The following NHSL1 variants were observed in gnomAD, a reference collection of about 807,000 sequenced individuals.
The protein encoded by NHSL1 is NHS-like protein 1.
In NHSL1, 48 loss-of-function variants were observed where a neutral mutation model predicts 95.0. The ratio of observed to expected loss-of-function variants is 0.51; its 90% CI spans 0.40 to 0.64. The LOEUF (loss-of-function observed/expected upper bound fraction) is 0.64, where lower values mean the gene tolerates loss of function less well. Among genes scored for constraint, NHSL1 ranks in the 30% least tolerant of loss-of-function variants. The pLI is 0.00. For missense variants in NHSL1, 1,971 were observed against 2,077.7 expected, an observed-to-expected ratio of 0.95 and a Z score of 1.00; for synonymous variants, 783 against 833.9, an observed-to-expected ratio of 0.94 and a Z score of 1.05.
At chr6:138,480,149 A>G (rs1430681392) in intron 2 of NHSL1, among the ~76,000 whole-genome samples, 1 of 152,210 alleles carries the variant, frequency 6.6e-6, no homozygotes, top group African/African-American at 2.4e-5. Context: ...ATTCCTCTGT[A>G]TCAGAAGGGG....
At chr6:138,658,404 A>G (rs955408021) in intron 1 of NHSL1, among the ~76,000 whole-genome samples, 2 of 152,206 alleles carry the variant, frequency 1.3e-5, no homozygotes, top group Non-Finnish European at 2.9e-5. Context: ...TAGAAGTTCA[A>G]CTTTTTAAAA....
At chr6:138,645,812 G>A (rs1437268570) in intron 1 of NHSL1, among the ~76,000 whole-genome samples, 1 of 151,974 alleles carries the variant, frequency 6.6e-6, no homozygotes, top group South Asian at 2.1e-4. Flanking sequence ...GGCCTGTAGT[G>A]TTTTTTCTCT....
At chr6:138,463,396 A>G (rs987227560) in intron 3 of NHSL1, among the ~76,000 whole-genome samples, 1 of 150,886 alleles carries the variant, frequency 6.6e-6, no homozygotes, top group Non-Finnish European at 1.5e-5. Context: ...CTCCAAAGTC[A>G]TTATCGCCAC....
At chr6:138,488,275 C>T (rs937854877) in intron 2 of NHSL1, among the ~76,000 whole-genome samples, 3 of 146,496 alleles carry the variant, frequency 2.0e-5, no homozygotes, top group Admixed American at 6.7e-5. Context: ...AAGACTCTGT[C>T]TCAAAAAAAA....
chr6:138,433,406 A>T lies in NHSL1; in HGVS notation c.939T>A (p.Pro313=). ...VLSDSAGIVF[P]SRLDSDAGFH... ...AGCCAGCATCACTGTCAAGGCGGGA[A>T]GGGAATACGATCCCTGCAGAATCGC... The change falls in exon 6 of 8, where the codon CCT becomes CCA. Residue 313 remains proline, a synonymous_variant. Coordinates refer to ENST00000343505, the MANE Select transcript of NHSL1 (RefSeq NM_001144060.2). 1.3e-6 allele frequency: 2 copies of T among 1,552,348 alleles called. No individual in the cohort carries two copies. The highest frequency in any genetic ancestry group is 1.7e-6 in the Non-Finnish European group (2 of 1,147,136).
chr6:138,425,320 C>T (rs532964446), intron 7 of NHSL1, among the ~76,000 whole-genome samples: 1 of 152,264 alleles, frequency 6.6e-6, no homozygotes, highest in East Asian at 1.9e-4. Flanking sequence ...TGGTCTCAAA[C>T]TCCTGACCTC....
At chr6:138,690,687 G>C (rs914185024) in intron 1 of NHSL1, among the ~76,000 whole-genome samples, 3 of 152,190 alleles carry the variant, frequency 2.0e-5, no homozygotes, top group African/African-American at 7.2e-5. Flanking sequence ...GGTGCAGTGA[G>C]CTGAGATTGC....
At chr6:138,529,160 T>G (rs1782032882) in intron 1 of NHSL1, among the ~76,000 whole-genome samples, 1 of 152,146 alleles carries the variant, frequency 6.6e-6, no homozygotes, top group African/African-American at 2.4e-5. Flanking sequence ...ACTCCGGAGC[T>G]TGCACTGGGT....
In NHSL1 at chr6:138,422,592, G is replaced by A. The variant is rs1163418289; in HGVS notation, c.*1489C>T. 1 of 152,134 alleles carries A rather than the reference G, an allele frequency of 6.6e-6. No individual in the cohort carries two copies. The highest frequency in any genetic ancestry group is 1.5e-5 in the Non-Finnish European group (1 of 68,020). The allele number at this position is 152,134 out of a possible 1,614,324, so 9.4% of individuals were successfully genotyped here. A position where few individuals can be genotyped will look rare whatever the true frequency, so the allele number is the denominator to read the frequency against. ...TTCTAATGAAGAAGACAATACTCTAGTTTATTTAACAAATAAAGGAGTCTA... is the reference window on the plus strand; with the variant it reads ...TTCTAATGAAGAAGACAATACTCTAATTTATTTAACAAATAAAGGAGTCTA... On this transcript the variant is annotated 3_prime_UTR_variant, in exon 8 of 8. Transcript: ENST00000343505.
At chr6:138,448,515 A>C (rs1048277308) in intron 3 of NHSL1, among the ~76,000 whole-genome samples, 15 of 152,132 alleles carry the variant, frequency 9.9e-5, no homozygotes, top group Admixed American at 2.6e-4. Context: ...CCGCTACCCC[A>C]ACCACATACC....
upstream of NHSL1, among the ~76,000 whole-genome samples, chr6:138,550,486 A>G (rs1456819671): frequency 1.3e-5 from 2 of 152,216 alleles, no homozygotes; most frequent in Non-Finnish European, 2.9e-5. Context: ...TGGACAGCAC[A>G]AAGGTCTGGC....
upstream of NHSL1, among the ~76,000 whole-genome samples, chr6:138,574,425 C>A (rs948491589): frequency 6.6e-6 from 1 of 152,074 alleles, no homozygotes; most frequent in Non-Finnish European, 1.5e-5. Flanking sequence ...CACTGGTTCA[C>A]GAGACCCCCG....
intron 1 of NHSL1, among the ~76,000 whole-genome samples, chr6:138,586,953 T>G (rs1217848728): frequency 6.6e-6 from 1 of 152,018 alleles, no homozygotes; most frequent in Non-Finnish European, 1.5e-5. Context: ...AGAGTGGGTT[T>G]GAGTTTTCTC....
intron 3 of NHSL1, among the ~76,000 whole-genome samples, chr6:138,461,612 G>C (rs1778002197): frequency 6.6e-6 from 1 of 152,178 alleles, no homozygotes; most frequent in African/African-American, 2.4e-5. Flanking sequence ...GTGACTGGTA[G>C]ACTTAACAAG....
chr6:138,529,315 T>C (rs1782039257), intron 1 of NHSL1, among the ~76,000 whole-genome samples: 1 of 152,210 alleles, frequency 6.6e-6, no homozygotes, highest in African/African-American at 2.4e-5. Flanking sequence ...TCAAATCTAA[T>C]AGAAAGGTTC....
chr6:138,489,781 GAGAA>G lies in NHSL1; in HGVS notation c.211+6434_211+6437del, dbSNP rs1414494035. On this transcript the variant is annotated intron_variant, in intron 2 of 7. Transcript: ENST00000343505. ...TGTCTCAAAAAAAAAAAAAAAAAGA[GAGAA>G]AGAAAGAAAGAAAGAAGAGAGAGGG... 3.9e-3 allele frequency among the ~76,000 whole-genome samples: 490 copies of G among 126,930 alleles called. 1 individual carries two copies. The highest frequency in any genetic ancestry group is 0.012 in the East Asian group (49 of 4,154). The allele number at this position is 126,930 out of a possible 152,430, so 83.3% of individuals were successfully genotyped here. A position where few individuals can be genotyped will look rare whatever the true frequency, so the allele number is the denominator to read the frequency against.
At chr6:138,582,574 CT>C (rs1784076879) in intron 1 of NHSL1, among the ~76,000 whole-genome samples, 1 of 152,152 alleles carries the variant, frequency 6.6e-6, no homozygotes, top group African/African-American at 2.4e-5. Context: ...AGTATCTCAC[CT>C]AAGGTTCTGA....
chr6:138,478,256 CAA>C (rs1432815563), intron 2 of NHSL1, among the ~76,000 whole-genome samples: 1 of 151,854 alleles, frequency 6.6e-6, no homozygotes, highest in Non-Finnish European at 1.5e-5. Flanking sequence ...GCTGGGATTA[CAA>C]GTGTGAACCA....
intron 1 of NHSL1, chr6:138,691,919 T>C (rs1168817246): frequency 2.2e-6 from 1 of 456,682 alleles, no homozygotes. Flanking sequence ...CTGCGCCAAA[T>C]GGGAAAACCC....
Sources: gnomAD v4.1 joint callset for allele counts (sites outside exome capture counted in the v4.1 genomes callset) on GRCh38, gnomAD v4.1.1 for gene constraint, MANE v1.5 for transcripts, NCBI Gene and HGNC (gene_info 2026-07-23, HGNC 2026-07-21) for gene names.